The following RAB5IF variants were observed in gnomAD, a reference collection of about 807,000 sequenced individuals.
RAB5IF encodes the protein GEL complex subunit OPTI.
In RAB5IF, 15 loss-of-function variants were observed where a neutral mutation model predicts 20.3. The ratio of observed to expected loss-of-function variants is 0.74; its 90% CI spans 0.50 to 1.14. RAB5IF has a LOEUF of 1.14. Among genes scored for constraint, RAB5IF ranks in the 50% most tolerant of loss-of-function variants. The probability of loss-of-function intolerance (pLI) is 0.00; values close to 1 mark genes in which losing one functional copy is unlikely to be tolerated. For synonymous variants in RAB5IF, 67 were observed against 63.7 expected (o/e 1.05, Z -0.25); for missense variants, 148 against 159.5 (o/e 0.93, Z 0.39).
chr20:36,612,272 C>T lies in RAB5IF; in HGVS notation c.*221C>T, dbSNP rs777297390. 1 of 1,543,544 alleles carries T rather than the reference C, an allele frequency of 6.5e-7. No homozygotes were observed. Among genetic ancestry groups the T allele is most frequent in the Admixed American group, 1.7e-5 (1 of 59,592 alleles). On this transcript the variant is annotated 3_prime_UTR_variant, in exon 4 of 4. Transcript: ENST00000344795. ...TTGGGGAAGCATTTCTGAATTTATC[C>T]ATCACCAACCATTTCTTCTTGGATA...
At chr20:36,611,976 G>A in intron 3 of RAB5IF, 34 bp from the exon 4 acceptor site, 2 of 1,611,534 alleles carry the variant, frequency 1.2e-6, no homozygotes, top group South Asian at 2.2e-5. Context: ...TGTTAAGCCA[G>A]GTGACCTATG....
chr20:36,608,885 T>C (rs2038997698), intron 2 of RAB5IF, among the ~76,000 whole-genome samples: 1 of 151,768 alleles, frequency 6.6e-6, no homozygotes, highest in Non-Finnish European at 1.5e-5. Context: ...CCTAGCCCCC[T>C]AATTGATGGT....
intron 1 of RAB5IF, among the ~76,000 whole-genome samples, 180 bp from the exon 2 acceptor site, chr20:36,607,535 A>G (rs538296153): frequency 3.3e-4 from 50 of 152,250 alleles, no homozygotes; most frequent in African/African-American, 1.1e-3. Flanking sequence ...CAGCCCCTAA[A>G]TGTATCATTT....
intron 1 of RAB5IF, among the ~76,000 whole-genome samples, chr20:36,607,389 C>T (rs1447391165): frequency 6.6e-6 from 1 of 151,894 alleles, no homozygotes; most frequent in African/African-American, 2.4e-5. Context: ...CCACAACACC[C>T]GGCTAATTTT....
chr20:36,609,083 G>A (rs928615025), intron 2 of RAB5IF, among the ~76,000 whole-genome samples: 2 of 151,164 alleles, frequency 1.3e-5, no homozygotes, highest in African/African-American at 2.4e-5. Context: ...GCTACCTGGA[G>A]GCCCATGTCA....
chr20:36,609,203 GCACACACGCACACACGCACA>G (rs1568595553), intron 2 of RAB5IF, among the ~76,000 whole-genome samples: 6 of 34,612 alleles, frequency 1.7e-4, no homozygotes, highest in Non-Finnish European at 3.2e-4. Flanking sequence ...ACGCACACAC[GCACACACGCACACACGCACA>G]CACACACACA....
Position 36,607,801 on chromosome 20 carries a change from G to A in RAB5IF, c.201G>A (p.Gly67=). The change falls in exon 2 of 4, where the codon GGG becomes GGA. Residue 67 remains glycine (G), a synonymous_variant. Coordinates refer to ENST00000344795, the MANE Select transcript of RAB5IF (RefSeq NM_018840.5). ...GVIWGVLPLR[G]FLGIAGFCLI... is the part of the protein sequence containing the mutation. ...TTTGGGGAGTTTTGCCATTACGAGGGTTCTTGGGAATAGCAGGGTAAGTCT... is the reference window on the plus strand; with the variant it reads ...TTTGGGGAGTTTTGCCATTACGAGGATTCTTGGGAATAGCAGGGTAAGTCT... 4.3e-6 allele frequency: 7 copies of A among 1,613,882 alleles called. No individual in the cohort carries two copies. The highest frequency in any genetic ancestry group is 5.9e-6 in the Non-Finnish European group (7 of 1,179,860).
At chr20:36,607,373 C>T (rs374152848) in intron 1 of RAB5IF, among the ~76,000 whole-genome samples, 8 of 150,536 alleles carry the variant, frequency 5.3e-5, no homozygotes, top group Non-Finnish European at 8.9e-5. Context: ...GGATTAAAGG[C>T]GCCCGCCACA....
At chr20:36,609,830 G>A (rs1308728836) in intron 3 of RAB5IF, 100 bp downstream of exon 3, 19 of 1,608,920 alleles carry the variant, frequency 1.2e-5, no homozygotes, top group Non-Finnish European at 1.4e-5. Flanking sequence ...TGTGAGCAGG[G>A]TGCTATTTTT....
In RAB5IF at chr20:36,605,945, C is replaced by T. The variant is rs1168601416; in HGVS notation, c.-7C>T. On this transcript the variant is annotated 5_prime_UTR_variant, in exon 1 of 4. The change creates a new upstream start codon in the 5' untranslated region. Coordinates refer to ENST00000344795, the MANE Select transcript of RAB5IF (RefSeq NM_018840.5). The stretch of plus-strand genomic sequence containing the variant: ...CCCAGGCCCGGCCCGGGCGGCGCGA[C>T]GGGAGGATGAGCGGCGGGCGGCGGA... The T allele has an allele frequency of 6.7e-7, 1 of 1,500,468 alleles. No individual in the cohort carries two copies. The allele number at this position is 1,500,468 out of a possible 1,614,324, so 92.9% of individuals were successfully genotyped here.
intron 1 of RAB5IF, among the ~76,000 whole-genome samples, chr20:36,607,341 G>A (rs1411952050): frequency 7.3e-6 from 1 of 136,576 alleles, no homozygotes; most frequent in Non-Finnish European, 1.5e-5. Flanking sequence ...CAATTCTCTT[G>A]CCTCAGCCTC....
In RAB5IF at chr20:36,612,464, C is replaced by T. The variant is rs766609435; in HGVS notation, c.*413C>T. On this transcript the variant is annotated 3_prime_UTR_variant, in exon 4 of 4. Coordinates refer to ENST00000344795, the MANE Select transcript of RAB5IF (RefSeq NM_018840.5). ...TTCTGAAACAGCATGGCTGTATGTG[C>T]GTGGTCCATAGCACAGTACATGCAG... The T allele has an allele frequency of 5.1e-5, 29 of 565,496 alleles. No homozygotes were observed. Among genetic ancestry groups the T allele is most frequent in the Middle Eastern group, 9.6e-4 (2 of 2,092 alleles). The allele number at this position is 565,496 out of a possible 1,614,324, so 35.0% of individuals were successfully genotyped here.
At chr20:36,610,467 C>T (rs1001014514) in intron 3 of RAB5IF, among the ~76,000 whole-genome samples, 2 of 152,070 alleles carry the variant, frequency 1.3e-5, no homozygotes, top group South Asian at 2.1e-4. Flanking sequence ...TTTGGGAGGC[C>T]GAGGCGGGCA....
rs537336083 is a variant in RAB5IF at position 36,609,472 on chromosome 20, G to A, written c.219-129G>A. ...CTAGGCTGGTCTTGAACTCCTGACC[G>A]CAAGTGATCCGCCCACCTCAGCCTC... On this transcript the variant is annotated intron_variant, in intron 2 of 3. Transcript: ENST00000344795. 7.5e-4 allele frequency: 999 copies of A among 1,326,218 alleles called. 4 individuals carry two copies. Among genetic ancestry groups the A allele is most frequent in the South Asian group, 5.7e-3 (359 of 63,250 alleles). 82.2% of individuals were successfully genotyped at this position (1,326,218 alleles called of 1,614,324 possible). A position where few individuals can be genotyped will look rare whatever the true frequency, so the allele number is the denominator to read the frequency against.
intron 1 of RAB5IF, among the ~76,000 whole-genome samples, chr20:36,606,733 C>A (rs1360183064): frequency 6.6e-6 from 1 of 152,184 alleles, no homozygotes; most frequent in Non-Finnish European, 1.5e-5. Context: ...GTTGGGACTT[C>A]AGAACGTTCT....
rs1186015092 is a variant in RAB5IF at position 36,612,551 on chromosome 20, T to C, written c.*500T>C. The C allele has an allele frequency of 8.7e-6, 3 of 346,800 alleles. No individual in the cohort carries two copies. Among genetic ancestry groups the C allele is most frequent in the Non-Finnish European group, 1.7e-5 (3 of 181,362 alleles). 21.5% of individuals were successfully genotyped at this position (346,800 alleles called of 1,614,324 possible). A position where few individuals can be genotyped will look rare whatever the true frequency, so the allele number is the denominator to read the frequency against. Reference sequence around the variant, plus strand: ...ATACTTGAATAAATCAAATCTTTAATTGAGAACCTGTTGATGATACCTGAT... The same window carrying C: ...ATACTTGAATAAATCAAATCTTTAACTGAGAACCTGTTGATGATACCTGAT... On this transcript the variant is annotated 3_prime_UTR_variant, in exon 4 of 4. Coordinates refer to ENST00000344795, the MANE Select transcript of RAB5IF (RefSeq NM_018840.5).
Position 36,612,176 on chromosome 20 carries a change from G to C in RAB5IF, c.*125G>C. ...GGAAGACCCGTGTTTCCTGGACCGC[G>C]AATCAGTGTGTTGGGCATCAGTGTT... On this transcript the variant is annotated 3_prime_UTR_variant, in exon 4 of 4. Coordinates refer to ENST00000344795, the MANE Select transcript of RAB5IF (RefSeq NM_018840.5). 2.5e-6 allele frequency: 4 copies of C among 1,614,176 alleles called. No individual in the cohort carries two copies. In the South Asian group the frequency reaches 4.4e-5, roughly 18 times the overall value.
chr20:36,609,256 C>CACTA (rs1555790839), intron 2 of RAB5IF, among the ~76,000 whole-genome samples: 28 of 121,654 alleles, frequency 2.3e-4, no homozygotes, highest in Non-Finnish European at 4.0e-4. Flanking sequence ...CACACACACA[C>CACTA]TATATATAGA....
Position 36,612,417 on chromosome 20 carries a change from A to G in RAB5IF, c.*366A>G, listed in dbSNP as rs1342402147. ...TCTCCATCGGGTGTAGAGTTTTTAA[A>G]CTATCAATGGCATTTCAAGTCTTCT... On this transcript the variant is annotated 3_prime_UTR_variant, in exon 4 of 4. Transcript: ENST00000344795. 1 of 623,764 alleles carries G rather than the reference A, an allele frequency of 1.6e-6. No individual in the cohort carries two copies. The highest frequency in any genetic ancestry group is 2.8e-6 in the Non-Finnish European group (1 of 356,714). 38.6% of individuals were successfully genotyped at this position (623,764 alleles called of 1,614,324 possible). A position where few individuals can be genotyped will look rare whatever the true frequency, so the allele number is the denominator to read the frequency against.
Sources: gnomAD v4.1 joint callset for allele counts (sites outside exome capture counted in the v4.1 genomes callset) on GRCh38, gnomAD v4.1.1 for gene constraint, MANE v1.5 for transcripts, NCBI Gene and HGNC (gene_info 2026-07-23, HGNC 2026-07-21) for gene names.